The following AQP11 variants were observed in gnomAD, a reference collection of about 807,000 sequenced individuals.
AQP11 encodes the protein aquaporin 11.
A neutral mutation model predicts 21.1 loss-of-function variants in AQP11; 20 were observed. That is an observed-to-expected ratio of 0.95 (90% confidence interval 0.67 to 1.38). The LOEUF (loss-of-function observed/expected upper bound fraction) is 1.38. Ranked by LOEUF, AQP11 falls within the 40% of genes most tolerant of loss-of-function variation. The pLI is 0.00. For missense variants in AQP11, 339 were observed against 340.4 expected (o/e 1.00, Z 0.03); for synonymous variants, 167 against 150.1 (o/e 1.11, Z -0.82).
intron 1 of AQP11, chr11:77,591,139 T>C (rs1958745337): frequency 5.2e-6 from 5 of 966,318 alleles, no homozygotes; most frequent in Non-Finnish European, 6.2e-6. Flanking sequence ...TTTTGAGTTA[T>C]GAAATTTCTT....
chr11:77,594,758 A>C (rs1364871712), intron 1 of AQP11, among the ~76,000 whole-genome samples: 1 of 152,184 alleles, frequency 6.6e-6, no homozygotes, highest in African/African-American at 2.4e-5. Context: ...ACATAGCCAC[A>C]GGCTCCTAAG....
At chr11:77,605,442 T>TAACTATA (rs2135751215) in intron 2 of AQP11, among the ~76,000 whole-genome samples, 1 of 152,278 alleles carries the variant, frequency 6.6e-6, no homozygotes, top group African/African-American at 2.4e-5. Flanking sequence ...GTCCGTGGCC[T>TAACTATA]GTTAGTAACC....
Position 77,603,570 on chromosome 11 carries a change from G to C in AQP11, c.634G>C (p.Gly212Arg), listed in dbSNP as rs753583276. 1.3e-5 allele frequency: 20 copies of C among 1,589,152 alleles called. No individual in the cohort carries two copies. Among genetic ancestry groups the C allele is most frequent in the Non-Finnish European group, 1.7e-5 (20 of 1,169,440 alleles). ...ATCTGTTACAGGAGGAAGTCTAACA[G>C]GAGCTGTATTTAATCCAGCTTTGGC... ...FLVYAGGSLTGAVFNPALALS... is the reference protein window; with the variant it reads ...FLVYAGGSLTRAVFNPALALS... The change falls in exon 2 of 3, where the codon GGA (glycine) becomes CGA (arginine). Residue 212 changes from glycine (G) to arginine (R), a missense_variant. Physicochemically the swap from Gly to Arg is moderately radical, Grantham distance 125. Transcript: ENST00000313578.
intron 1 of AQP11, chr11:77,590,834 G>T: frequency 1.0e-6 from 1 of 985,420 alleles, no homozygotes; most frequent in Non-Finnish European, 1.2e-6. Flanking sequence ...AGCCACCTCT[G>T]TGCTGAAACT....
intron 1 of AQP11, among the ~76,000 whole-genome samples, chr11:77,602,901 CA>C (rs893621062): frequency 6.6e-6 from 1 of 152,202 alleles, no homozygotes; most frequent in African/African-American, 2.4e-5. Context: ...TACTGCTGGA[CA>C]GGCATCCAGC....
chr11:77,596,342 G>A (rs1241479656), intron 1 of AQP11, among the ~76,000 whole-genome samples: 1 of 151,270 alleles, frequency 6.6e-6, no homozygotes, highest in Non-Finnish European at 1.5e-5. Context: ...TTGGGAGGCT[G>A]AGGCAGTAGA....
In AQP11 at chr11:77,609,396, C is replaced by A. The variant is rs753128754; in HGVS notation, c.*19C>A. On this transcript the variant is annotated 3_prime_UTR_variant, in exon 3 of 3. Coordinates refer to ENST00000313578, the MANE Select transcript of AQP11 (RefSeq NM_173039.3). The stretch of plus-strand genomic sequence containing the variant: ...GGAATAACTGTTCCAAAGACTCAGA[C>A]TAACATACAGGACAGTCCAGCTGGA... 2 of 1,589,446 alleles carry A rather than the reference C, an allele frequency of 1.3e-6. No individual in the cohort carries two copies. The highest frequency in any genetic ancestry group is 1.7e-6 in the Non-Finnish European group (2 of 1,159,828).
Position 77,609,209 on chromosome 11 carries a change from A to G in AQP11, c.737-89A>G, listed in dbSNP as rs78934647. 30 of 884,028 alleles carry G rather than the reference A, an allele frequency of 3.4e-5. No homozygotes were observed. In the African/African-American group the frequency reaches 4.7e-4, roughly 14 times the overall value. The allele number at this position is 884,028 out of a possible 1,614,324, so 54.8% of individuals were successfully genotyped here. ...AGCATGGCTTTCCAAACATCTAGGT[A>G]TATAATTGTAATTTTAAAATATACC... On this transcript the variant is annotated intron_variant, in intron 2 of 2. Coordinates refer to ENST00000313578, the MANE Select transcript of AQP11 (RefSeq NM_173039.3).
At chr11:77,605,602 C>G (rs1958841312) in intron 2 of AQP11, among the ~76,000 whole-genome samples, 1 of 152,126 alleles carries the variant, frequency 6.6e-6, no homozygotes, top group African/African-American at 2.4e-5. Context: ...TTATGAGAAT[C>G]TAACTAATGC....
chr11:77,608,740 T>A (rs1288282522), intron 2 of AQP11, among the ~76,000 whole-genome samples: 1 of 152,194 alleles, frequency 6.6e-6, no homozygotes, highest in Non-Finnish European at 1.5e-5. Context: ...GTCAGTTAAA[T>A]AAGGTTGAGA....
At position 77,590,197 on chromosome 11, in the gene AQP11, G is replaced by A. The variant is rs754364973; in HGVS notation, c.205G>A (p.Glu69Lys). The A allele has an allele frequency of 1.3e-6, 2 of 1,597,538 alleles. No homozygotes were observed. Among genetic ancestry groups the A allele is most frequent in the Non-Finnish European group, 1.7e-6 (2 of 1,173,174 alleles). Residue 69 changes from glutamate to lysine, a missense_variant, in exon 1 of 3, where the codon GAA becomes AAA. Glu to Lys is a moderately conservative substitution (Grantham distance 56). Transcript: ENST00000313578. The stretch of plus-strand genomic sequence containing the variant: ...CACCCACGAGCTGCAACTGCTGAGC[G>A]AACAGCACCCCGCGCACCCCACCTG... ...CCTHELQLLS[E>K]QHPAHPTWTL...
intron 1 of AQP11, among the ~76,000 whole-genome samples, chr11:77,600,968 T>C (rs933037617): frequency 6.7e-6 from 1 of 149,340 alleles, no homozygotes. Flanking sequence ...GCCGAGATCA[T>C]GCCACTGCAC....
At chr11:77,604,678 CTT>C (rs1431303504) in intron 2 of AQP11, among the ~76,000 whole-genome samples, 1 of 152,144 alleles carries the variant, frequency 6.6e-6, no homozygotes, top group African/African-American at 2.4e-5. Flanking sequence ...GTCAATCACA[CTT>C]TACTCTTCCT....
chr11:77,603,722 T>C, intron 2 of AQP11, 50 bp downstream of exon 2: 1 of 1,357,572 alleles, frequency 7.4e-7, no homozygotes, highest in Non-Finnish European at 1.0e-6. Flanking sequence ...TATTTTAAAA[T>C]ATGATATGTG....
chr11:77,590,340 G>C lies in AQP11; in HGVS notation c.348G>C (p.Thr116=), dbSNP rs145642525. ...QMMLGGMSPE[T]GAVRLLAQLV... ...TGCTGGGGGGCATGTCCCCCGAGACGGGTGCGGTGAGGCTATTGGCTCAGC... is the reference window on the plus strand; with the variant it reads ...TGCTGGGGGGCATGTCCCCCGAGACCGGTGCGGTGAGGCTATTGGCTCAGC... The change falls in exon 1 of 3, where the codon ACG becomes ACC. Residue 116 remains threonine, a synonymous_variant. Transcript: ENST00000313578. 1.9e-6 allele frequency: 3 copies of C among 1,610,950 alleles called. No individual in the cohort carries two copies. The East Asian group carries it at 6.7e-5, about 36-fold the overall frequency.
rs544493787 is a variant in AQP11, at chr11:77,608,853, G to A, written c.737-445G>A. Among the ~76,000 whole-genome samples the A allele has an allele frequency of 3.3e-5, 5 of 152,298 alleles. No homozygotes were observed. The South Asian group carries it at 6.2e-4, about 19-fold the overall frequency. On this transcript the variant is annotated intron_variant, in intron 2 of 2. Coordinates refer to ENST00000313578, the MANE Select transcript of AQP11 (RefSeq NM_173039.3). ...TTTGAACATTCTAAGTGAAAACTCC[G>A]AGTGCTTTCAGTTGCTTTATTCTCT...
chr11:77,593,987 A>G (rs953083836), intron 1 of AQP11, among the ~76,000 whole-genome samples: 1 of 152,230 alleles, frequency 6.6e-6, no homozygotes, highest in Admixed American at 6.5e-5. Flanking sequence ...ATGGCTCTAC[A>G]TATACAAAAT....
intron 1 of AQP11, among the ~76,000 whole-genome samples, chr11:77,601,344 CTTTTTTT>C (rs36104720): frequency 4.0e-4 from 52 of 129,408 alleles, no homozygotes; most frequent in African/African-American, 1.3e-3. Context: ...CCATTCAAAA[CTTTTTTT>C]TTTTTTTTTT....
At chr11:77,604,802 A>C (rs187111584) in intron 2 of AQP11, among the ~76,000 whole-genome samples, 1 of 152,322 alleles carries the variant, frequency 6.6e-6, no homozygotes, top group Admixed American at 6.5e-5. Context: ...AACATGAAGA[A>C]TATCAGAGAA....
Sources: allele counts gnomAD v4.1 joint callset (sites outside exome capture counted in the v4.1 genomes callset), GRCh38; gene constraint gnomAD v4.1.1; transcripts MANE v1.5; gene names NCBI Gene and HGNC (gene_info 2026-07-23, HGNC 2026-07-21).